GFRA2: variants seen among roughly 807,000 people sequenced by gnomAD.
GFRA2 encodes the protein GDNF family receptor alpha 2, also known as GDNF family receptor alpha-2.
Under a neutral mutation model 48.3 loss-of-function variants are expected in GFRA2, and 17 were observed. That is an observed-to-expected ratio of 0.35 (90% CI 0.24 to 0.53). GFRA2 has a LOEUF of 0.53. Among genes scored for constraint, GFRA2 ranks in the 20% least tolerant of loss-of-function variants. GFRA2 has a pLI of 0.93. For missense variants in GFRA2, 660 were observed against 637.3 expected (o/e 1.04, Z -0.38); for synonymous variants, 305 against 257.2 (o/e 1.19, Z -1.78).
intron 4 of GFRA2, among the ~76,000 whole-genome samples, chr8:21,746,052 A>G (rs1174132121): frequency 6.6e-6 from 1 of 152,176 alleles, no homozygotes; most frequent in Non-Finnish European, 1.5e-5. Context: ...CCTACAGATG[A>G]CTTGGTTCAG....
intron 3 of GFRA2, among the ~76,000 whole-genome samples, chr8:21,754,027 C>T (rs1805429379): frequency 6.6e-6 from 1 of 152,240 alleles, no homozygotes; most frequent in Non-Finnish European, 1.5e-5. Context: ...CTTCAAGACT[C>T]TGTTCAAATG....
At chr8:21,804,094 A>G (rs1422660857) in intron 2 of GFRA2, among the ~76,000 whole-genome samples, 2 of 152,176 alleles carry the variant, frequency 1.3e-5, no homozygotes, top group Non-Finnish European at 2.9e-5. Context: ...AGAGCAGGAA[A>G]TTGAATGCAG....
intron 3 of GFRA2, among the ~76,000 whole-genome samples, chr8:21,758,204 CCCA>C (rs1805677588): frequency 9.0e-6 from 1 of 110,802 alleles, no homozygotes; most frequent in South Asian, 2.7e-4. Context: ...TGGCCCACTC[CCCA>C]CACACACACA....
intron 2 of GFRA2, among the ~76,000 whole-genome samples, chr8:21,781,505 C>T (rs1160415726): frequency 1.3e-5 from 2 of 152,162 alleles, no homozygotes; most frequent in African/African-American, 4.8e-5. Flanking sequence ...CCCTTCAGCC[C>T]CAGCTTGGAG....
intron 4 of GFRA2, among the ~76,000 whole-genome samples, chr8:21,719,908 C>G (rs1803513107): frequency 6.6e-6 from 1 of 152,194 alleles, no homozygotes; most frequent in African/African-American, 2.4e-5. Context: ...ACCCTGACAA[C>G]TGAAGTCTCA....
chr8:21,693,169 C>A lies in GFRA2; in HGVS notation c.*109G>T. On this transcript the variant is annotated 3_prime_UTR_variant, in exon 9 of 9. Transcript: ENST00000524240. ...AGGTTCAGCGACAAGGTGGGAAAAA[C>A]AATTTTTTTTTTGCAAGGTGTGTGT... 1.7e-6 allele frequency: 2 copies of A among 1,143,936 alleles called. No homozygotes were observed. Among genetic ancestry groups the A allele is most frequent in the Non-Finnish European group, 2.3e-6 (2 of 863,206 alleles). The allele number at this position is 1,143,936 out of a possible 1,614,324, so 70.9% of individuals were successfully genotyped here.
At chr8:21,796,162 C>T (rs1161917213) in intron 2 of GFRA2, among the ~76,000 whole-genome samples, 1 of 152,204 alleles carries the variant, frequency 6.6e-6, no homozygotes, top group Non-Finnish European at 1.5e-5. Flanking sequence ...AGACACTGCA[C>T]TCCCTCTGTA....
chr8:21,805,183 A>G (rs1002827764), intron 1 of GFRA2: 10 of 152,216 alleles, frequency 6.6e-5, no homozygotes, highest in African/African-American at 2.4e-4. Flanking sequence ...CAATGAAGTC[A>G]TGTTTTAAGT....
chr8:21,696,667 G>A (rs919579201), intron 7 of GFRA2, among the ~76,000 whole-genome samples: 12 of 152,146 alleles, frequency 7.9e-5, no homozygotes, highest in African/African-American at 2.9e-4. Flanking sequence ...TCTAAAGGCC[G>A]ACGCTCCAGA....
At chr8:21,704,590 G>C (rs1802646844) in intron 6 of GFRA2, among the ~76,000 whole-genome samples, 1 of 152,202 alleles carries the variant, frequency 6.6e-6, no homozygotes, top group Non-Finnish European at 1.5e-5. Flanking sequence ...CCTCTCTCTG[G>C]CTTCTGGGTT....
upstream of GFRA2, among the ~76,000 whole-genome samples, chr8:21,789,514 C>A (rs1695644230): frequency 6.6e-6 from 1 of 152,094 alleles, no homozygotes; most frequent in African/African-American, 2.4e-5. Context: ...CTCCACCCTC[C>A]GTGGGCTAAG....
chr8:21,779,686 A>G (rs1806879440), intron 2 of GFRA2: 1 of 152,224 alleles, frequency 6.6e-6, no homozygotes, highest in Admixed American at 6.5e-5. Context: ...TGCTAGTTCT[A>G]GGAATCCAGG....
intron 4 of GFRA2, among the ~76,000 whole-genome samples, chr8:21,707,562 G>C (rs1206692349): frequency 1.3e-5 from 2 of 152,164 alleles, no homozygotes; most frequent in Non-Finnish European, 2.9e-5. Context: ...AACCCTCCTG[G>C]GATGTGCCCC....
chr8:21,734,954 GCT>G (rs1301131539), intron 4 of GFRA2, among the ~76,000 whole-genome samples: 1 of 152,212 alleles, frequency 6.6e-6, no homozygotes, highest in African/African-American at 2.4e-5. Flanking sequence ...GAGAACAGAA[GCT>G]CCAAAGAATG....
chr8:21,754,710 T>C lies in GFRA2; in HGVS notation c.440-3768A>G, dbSNP rs141293442. On this transcript the variant is annotated intron_variant, in intron 3 of 8. Coordinates refer to ENST00000524240, the MANE Select transcript of GFRA2 (RefSeq NM_001495.5). ...TTTTAGAAGAGACAGGGTTTCACCA[T>C]GTTAGCCAGGCTGGTCTCAAACTCA... 6.0e-3 allele frequency among the ~76,000 whole-genome samples: 912 copies of C among 152,232 alleles called. 5 individuals are homozygous for C. Among genetic ancestry groups the C allele is most frequent in the Non-Finnish European group, 9.4e-3 (638 of 68,008 alleles).
intron 4 of GFRA2, among the ~76,000 whole-genome samples, chr8:21,711,234 C>T (rs1803005707): frequency 6.6e-6 from 1 of 152,224 alleles, no homozygotes; most frequent in African/African-American, 2.4e-5. Flanking sequence ...TTTCCTGGAT[C>T]AGCCCTATCA....
At chr8:21,795,962 G>A (rs1042007347) in intron 2 of GFRA2, among the ~76,000 whole-genome samples, 2 of 152,220 alleles carry the variant, frequency 1.3e-5, no homozygotes, top group Admixed American at 6.5e-5. Flanking sequence ...GGGAAGGGCT[G>A]TTTCTCTGAA....
At chr8:21,760,326 C>A (rs979195845) in intron 3 of GFRA2, among the ~76,000 whole-genome samples, 1 of 152,194 alleles carries the variant, frequency 6.6e-6, no homozygotes, top group Admixed American at 6.5e-5. Flanking sequence ...CAGTCACAGG[C>A]TGCTGAAGCA....
At chr8:21,792,966 C>T (rs1807602742), upstream of GFRA2, among the ~76,000 whole-genome samples, 1 of 152,140 alleles carries the variant, frequency 6.6e-6, no homozygotes, top group Non-Finnish European at 1.5e-5. Context: ...ACTCGAGTGC[C>T]TGAGGCAGGA....
Sources: gnomAD v4.1 joint callset for allele counts (sites outside exome capture counted in the v4.1 genomes callset) on GRCh38, gnomAD v4.1.1 for gene constraint, MANE v1.5 for transcripts, NCBI Gene and HGNC (gene_info 2026-07-23, HGNC 2026-07-21) for gene names.